UBE2E2: variants seen among roughly 807,000 people sequenced by gnomAD.
UBE2E2 encodes the protein ubiquitin conjugating enzyme E2 E2, also known as ubiquitin-conjugating enzyme E2 E2.
In UBE2E2, 6 loss-of-function variants were observed where a neutral mutation model predicts 24.7. The ratio of observed to expected loss-of-function variants is 0.24; its 90% confidence interval spans 0.13 to 0.48. The LOEUF is 0.48. UBE2E2 is among the 20% of genes least tolerant of loss of function. UBE2E2 has a pLI of 0.99. For missense variants in UBE2E2, 169 were observed against 245.0 expected (o/e 0.69, Z 2.07); for synonymous variants, 104 against 83.6 (o/e 1.24, Z -1.33).
intron 3 of UBE2E2, among the ~76,000 whole-genome samples, chr3:23,409,353 T>C (rs1398512336): frequency 1.3e-5 from 2 of 152,140 alleles, no homozygotes; most frequent in Non-Finnish European, 2.9e-5. Context: ...TATTTTCAGG[T>C]ACACACAAAA....
At chr3:23,501,257 T>C (rs906880608) in intron 4 of UBE2E2, among the ~76,000 whole-genome samples, 2 of 152,132 alleles carry the variant, frequency 1.3e-5, no homozygotes, top group African/African-American at 4.8e-5. Flanking sequence ...TTTCAGAAAA[T>C]GTGTGGGCTT....
intron 4 of UBE2E2, among the ~76,000 whole-genome samples, chr3:23,506,792 C>T (rs1003650007): frequency 1.3e-5 from 2 of 152,138 alleles, no homozygotes; most frequent in Non-Finnish European, 2.9e-5. Flanking sequence ...TGCCACCATG[C>T]CCGGCTAATT....
At chr3:23,242,134 T>C (rs991891846) in intron 3 of UBE2E2, among the ~76,000 whole-genome samples, 13 of 152,152 alleles carry the variant, frequency 8.5e-5, no homozygotes, top group East Asian at 1.9e-4. Context: ...CAGGCTGGTC[T>C]TGAAACTCAT....
intron 3 of UBE2E2, among the ~76,000 whole-genome samples, chr3:23,444,005 G>A (rs551145170): frequency 4.3e-4 from 65 of 151,614 alleles, no homozygotes; most frequent in Middle Eastern, 3.4e-3. Context: ...GCAGCTGACC[G>A]TGAGGCAGTA....
At chr3:23,398,924 A>T (rs946749621) in intron 3 of UBE2E2, among the ~76,000 whole-genome samples, 1 of 152,192 alleles carries the variant, frequency 6.6e-6, no homozygotes, top group Non-Finnish European at 1.5e-5. Context: ...TTAGATAAAA[A>T]TAAAAACTGT....
chr3:23,430,223 C>T (rs1019909705), intron 3 of UBE2E2, among the ~76,000 whole-genome samples: 7 of 152,102 alleles, frequency 4.6e-5, no homozygotes, highest in African/African-American at 7.2e-5. Context: ...TCTATAATAG[C>T]GCAGCTTATT....
Position 23,554,035 on chromosome 3 carries a change from T to TA in UBE2E2, c.508+21344dup, listed in dbSNP as rs944546298. On this transcript the variant is annotated intron_variant, in intron 5 of 5. Transcript: ENST00000396703. ...CCCAAGGGCATTGTTCACATAAATT[T>TA]AAAAAAAAAATCCTAAAACTTACCA... 3.3e-3 allele frequency among the ~76,000 whole-genome samples: 492 copies of TA among 150,126 alleles called. 1 individual carries two copies. The highest frequency in any genetic ancestry group is 0.01 in the African/African-American group (430 of 41,024).
At chr3:23,488,543 T>C (rs1202809424) in intron 3 of UBE2E2, among the ~76,000 whole-genome samples, 1 of 152,216 alleles carries the variant, frequency 6.6e-6, no homozygotes, top group African/African-American at 2.4e-5. Flanking sequence ...ATTTTTACTG[T>C]GATTACTTTT....
chr3:23,271,399 T>G (rs1252300736), intron 3 of UBE2E2, among the ~76,000 whole-genome samples: 1 of 152,158 alleles, frequency 6.6e-6, no homozygotes, highest in East Asian at 1.9e-4. Flanking sequence ...ACCCAAAGAA[T>G]GAGCAGCAGC....
intron 3 of UBE2E2, among the ~76,000 whole-genome samples, chr3:23,351,555 G>C (rs1246854716): frequency 6.6e-6 from 1 of 151,850 alleles, no homozygotes; most frequent in South Asian, 2.1e-4. Context: ...CAAGCAAATG[G>C]AAAACGAAAA....
chr3:23,342,257 T>C (rs1357471339), intron 3 of UBE2E2, among the ~76,000 whole-genome samples: 1 of 151,460 alleles, frequency 6.6e-6, no homozygotes, highest in East Asian at 1.9e-4. Context: ...CAATCATGGC[T>C]CACTGCAGCC....
chr3:23,370,287 T>C (rs1696370250), intron 3 of UBE2E2, among the ~76,000 whole-genome samples: 1 of 152,228 alleles, frequency 6.6e-6, no homozygotes, highest in South Asian at 2.1e-4. Context: ...TTTGAATCAC[T>C]TTCAACTTTT....
At chr3:23,368,016 C>T (rs2359760) in intron 3 of UBE2E2, among the ~76,000 whole-genome samples, 102,936 of 151,680 alleles carry the variant, frequency 0.68, 35,075 homozygotes, top group Admixed American at 0.74. Flanking sequence ...GGTCGATACA[C>T]ATATAGATAT....
At chr3:23,346,708 A>T (rs1274581271) in intron 3 of UBE2E2, among the ~76,000 whole-genome samples, 1 of 152,230 alleles carries the variant, frequency 6.6e-6, no homozygotes, top group Non-Finnish European at 1.5e-5. Flanking sequence ...AGAAAAATGT[A>T]GACTTTTCCT....
At chr3:23,480,930 G>A (rs191975940) in intron 3 of UBE2E2, among the ~76,000 whole-genome samples, 8 of 152,208 alleles carry the variant, frequency 5.3e-5, no homozygotes, top group Admixed American at 5.2e-4. Flanking sequence ...TGATTTAGGG[G>A]GACATCCTGC....
chr3:23,274,040 A>G (rs1698319386), intron 3 of UBE2E2: 1 of 152,246 alleles, frequency 6.6e-6, no homozygotes, highest in South Asian at 2.1e-4. Flanking sequence ...CTGTTGATAT[A>G]AGAAGGGAGT....
At chr3:23,328,667 T>G (rs534037855) in intron 3 of UBE2E2, among the ~76,000 whole-genome samples, 1 of 151,806 alleles carries the variant, frequency 6.6e-6, no homozygotes, top group East Asian at 1.9e-4. Flanking sequence ...TCTCTCTTTT[T>G]TTTTTTTTGT....
intron 2 of UBE2E2, among the ~76,000 whole-genome samples, chr3:23,210,072 G>T (rs1177646434): frequency 6.6e-6 from 1 of 152,090 alleles, no homozygotes; most frequent in Non-Finnish European, 1.5e-5. Context: ...CAACACAAAT[G>T]ACCTGCTTAG....
chr3:23,269,742 C>T (rs1408557939), intron 3 of UBE2E2, among the ~76,000 whole-genome samples: 3 of 152,092 alleles, frequency 2.0e-5, no homozygotes, highest in South Asian at 2.1e-4. Flanking sequence ...GACATTAGAG[C>T]TCTTCATGGG....
Sources: gnomAD v4.1 joint callset for allele counts (sites outside exome capture counted in the v4.1 genomes callset) on GRCh38, gnomAD v4.1.1 for gene constraint, MANE v1.5 for transcripts, NCBI Gene and HGNC (gene_info 2026-07-23, HGNC 2026-07-21) for gene names.